UGT2A3: variants seen among roughly 807,000 people sequenced by gnomAD.
UGT2A3 encodes the protein UDP glucuronosyltransferase family 2 member A3.
A neutral mutation model predicts 44.1 loss-of-function variants in UGT2A3; 55 were observed. The observed-to-expected ratio is 1.25, with a 90% CI of 1.00 to 1.56. UGT2A3 has a LOEUF of 1.56. Among genes scored for constraint, UGT2A3 ranks in the 40% most tolerant of loss-of-function variants. The probability of loss-of-function intolerance (pLI) is 0.00; values close to 1 mark genes in which losing one functional copy is unlikely to be tolerated. For synonymous variants in UGT2A3, 243 were observed against 215.1 expected, an observed-to-expected ratio of 1.13 and a Z score of -1.13; for missense variants, 733 against 621.6, an observed-to-expected ratio of 1.18 and a Z score of -1.91.
intron 2 of UGT2A3, among the ~76,000 whole-genome samples, chr4:68,933,686 C>A (rs1474499939): frequency 6.6e-6 from 1 of 152,028 alleles, no homozygotes; most frequent in Admixed American, 6.6e-5. Context: ...CAGAGCATTT[C>A]TCTGACTCAG....
chr4:68,948,486 GT>G (rs1486892623), intron 1 of UGT2A3, among the ~76,000 whole-genome samples: 1 of 134,782 alleles, frequency 7.4e-6, no homozygotes, highest in African/African-American at 2.9e-5. Flanking sequence ...TATCACCTAG[GT>G]TGGAGTGCAG....
intron 1 of UGT2A3, among the ~76,000 whole-genome samples, chr4:68,945,807 C>A (rs867297728): frequency 4.0e-5 from 6 of 151,506 alleles, no homozygotes; most frequent in Admixed American, 6.6e-5. Context: ...CTTAAAGACA[C>A]AAATCCAAAA....
intron 3 of UGT2A3, among the ~76,000 whole-genome samples, chr4:68,931,684 C>T (rs570028250): frequency 3.9e-5 from 6 of 151,928 alleles, no homozygotes; most frequent in East Asian, 1.9e-4. Context: ...TTTGGATAAT[C>T]AGGTGTCTTT....
intron 2 of UGT2A3, among the ~76,000 whole-genome samples, chr4:68,936,271 T>G (rs969482681): frequency 1.3e-5 from 2 of 151,850 alleles, no homozygotes; most frequent in Non-Finnish European, 2.9e-5. Context: ...TCAGATTCAC[T>G]AAGGTTGAAA....
At chr4:68,930,836 A>T in intron 4 of UGT2A3, 71 bp from the exon 5 acceptor site, 1 of 1,273,754 alleles carries the variant, frequency 7.9e-7, no homozygotes, top group East Asian at 2.5e-5. Context: ...TAAAGACTAC[A>T]GATGGGAATT....
chr4:68,934,846 G>A (rs886273297), intron 2 of UGT2A3, among the ~76,000 whole-genome samples: 6 of 151,638 alleles, frequency 4.0e-5, no homozygotes, highest in East Asian at 2.0e-4. Flanking sequence ...TCCAGTATGC[G>A]TAACAAAGTG....
chr4:68,931,425 T>C (rs895822052), intron 3 of UGT2A3, among the ~76,000 whole-genome samples, 183 bp from the exon 4 acceptor site: 1 of 152,076 alleles, frequency 6.6e-6, no homozygotes, highest in African/African-American at 2.4e-5. Flanking sequence ...TCTTTTAAAA[T>C]AATGTGTACC....
In UGT2A3 at chr4:68,951,698, T is replaced by C. The variant is rs778107933; in HGVS notation, c.63A>G (p.Gly21=). The C allele has an allele frequency of 1.2e-6, 2 of 1,611,122 alleles. No homozygotes were observed. Among genetic ancestry groups the C allele is most frequent in the South Asian group, 2.2e-5 (2 of 90,924 alleles). Residue 21 remains glycine (G), a synonymous_variant, in exon 1 of 6, where the codon GGA becomes GGG. Coordinates refer to ENST00000251566, the MANE Select transcript of UGT2A3 (RefSeq NM_024743.4). ...GCCACACCAGGACTTTCCCACAGAA[T>C]CCACAGCCAACACAGAAGAGCTGCA... is the stretch of plus-strand genomic sequence containing the variant. The part of the protein sequence containing the change: ...LLLQLFCVGC[G]FCGKVLVWPC...
chr4:68,940,578 A>G (rs1231938201), intron 2 of UGT2A3, among the ~76,000 whole-genome samples: 1 of 151,908 alleles, frequency 6.6e-6, no homozygotes, highest in Non-Finnish European at 1.5e-5. Context: ...GGATAGCATT[A>G]GGAGAAATAC....
Position 68,929,844 on chromosome 4 carries a change from T to C in UGT2A3, c.1553A>G (p.Asn518Ser), listed in dbSNP as rs1295886032. The C allele has an allele frequency of 1.1e-5, 18 of 1,606,468 alleles. No individual in the cohort carries two copies. The Admixed American group carries it at 3.0e-4, about 27-fold the overall frequency. Residue 518 changes from asparagine to serine, a missense_variant, in exon 6 of 6, where the codon AAT (asparagine) becomes AGT (serine). Transcript: ENST00000251566. Reference protein sequence around the residue: ...KCFLFSCQKFNKTRKIEKRE With the variant: ...KCFLFSCQKFSKTRKIEKRE ...CCTCTTTTCTATCTTTCTAGTTTTATTAAATTTTTGACAGGAAAATAAAAA... is the reference window on the plus strand; with the variant it reads ...CCTCTTTTCTATCTTTCTAGTTTTACTAAATTTTTGACAGGAAAATAAAAA...
intron 2 of UGT2A3, among the ~76,000 whole-genome samples, chr4:68,940,623 C>A (rs890639778): frequency 2.6e-5 from 4 of 151,436 alleles, no homozygotes; most frequent in African/African-American, 9.7e-5. Context: ...TGCAGCAAAC[C>A]AAAATGGCAC....
chr4:68,931,079 C>T (rs1451000210), intron 4 of UGT2A3, 76 bp downstream of exon 4: 12 of 1,185,438 alleles, frequency 1.0e-5, no homozygotes, highest in Middle Eastern at 2.0e-4. Flanking sequence ...TAGATCTTTG[C>T]TGAATTTGCT....
At chr4:68,932,571 A>T (rs1020591770) in intron 3 of UGT2A3, 57 bp downstream of exon 3, 6 of 1,549,344 alleles carry the variant, frequency 3.9e-6, no homozygotes, top group African/African-American at 1.4e-5. Flanking sequence ...ACCCAAATAA[A>T]ACCATACTGT....
At chr4:68,946,910 T>A (rs898106484) in intron 1 of UGT2A3, among the ~76,000 whole-genome samples, 1 of 151,712 alleles carries the variant, frequency 6.6e-6, no homozygotes, top group East Asian at 1.9e-4. Context: ...TAAAAAGGAA[T>A]GCACATACCT....
chr4:68,929,986 C>T lies in UGT2A3; in HGVS notation c.1411G>A (p.Ala471Thr), dbSNP rs373529001. ...TGGGCAGCTGATCGCAGGTGCTTGG[C>T]TCCTTTGTGGCGCATGACAAACTCG... ...WIEFVMRHKG[A>T]KHLRSAAHDL... The change falls in exon 6 of 6, where the codon GCC becomes ACC. Residue 471 changes from alanine (A) to threonine (T), a missense_variant. Ala to Thr is a moderately conservative substitution (Grantham distance 58). Coordinates refer to ENST00000251566, the MANE Select transcript of UGT2A3 (RefSeq NM_024743.4). 1 of 1,613,630 alleles carries T rather than the reference C, an allele frequency of 6.2e-7. No individual in the cohort carries two copies. Among genetic ancestry groups the T allele is most frequent in the Non-Finnish European group, 8.5e-7 (1 of 1,179,674 alleles).
chr4:68,949,216 C>T (rs866254559), intron 1 of UGT2A3, among the ~76,000 whole-genome samples: 1 of 151,908 alleles, frequency 6.6e-6, no homozygotes, highest in Middle Eastern at 3.4e-3. Flanking sequence ...CAAACCATAT[C>T]TAAACTATAG....
intron 1 of UGT2A3, 52 bp downstream of exon 1, chr4:68,950,994 T>G: frequency 7.6e-7 from 1 of 1,318,198 alleles, no homozygotes; most frequent in South Asian, 1.6e-5. Flanking sequence ...TGACAATTTT[T>G]AAAAATATTT....
Position 68,951,428 on chromosome 4 carries a change from A to C in UGT2A3, c.333T>G (p.Asn111Lys), listed in dbSNP as rs1256142930. The C allele has an allele frequency of 6.2e-7, 1 of 1,611,652 alleles. No homozygotes were observed. The highest frequency in any genetic ancestry group is 1.7e-4 in the Middle Eastern group (1 of 6,028). Reference sequence around the variant, plus strand: ...TTCCTCTTATTTCAACAAAAAAATCATTTAATTTTATAACTGATTGCCAGG... The same window carrying C: ...TTCCTCTTATTTCAACAAAAAAATCCTTTAATTTTATAACTGATTGCCAGG... ...LSTWQSVIKL[N>K]DFFVEIRGTL... Residue 111 changes from asparagine to lysine, a missense_variant, in exon 1 of 6, where the codon AAT becomes AAG. Asn to Lys is a moderately conservative substitution (Grantham distance 94). Coordinates refer to ENST00000251566, the MANE Select transcript of UGT2A3 (RefSeq NM_024743.4).
intron 2 of UGT2A3, chr4:68,943,356 C>A: frequency 7.9e-7 from 1 of 1,262,166 alleles, no homozygotes; most frequent in Non-Finnish European, 1.0e-6. Context: ...CTTAAGAGAG[C>A]TTGGTTTTCT....
Sources: gnomAD v4.1 joint callset for allele counts (sites outside exome capture counted in the v4.1 genomes callset) on GRCh38, gnomAD v4.1.1 for gene constraint, MANE v1.5 for transcripts, NCBI Gene and HGNC (gene_info 2026-07-23, HGNC 2026-07-21) for gene names.